IGF2R: variants seen among roughly 807,000 people sequenced by gnomAD.
IGF2R encodes the protein cation-independent mannose-6-phosphate receptor.
A neutral mutation model predicts 270.6 loss-of-function variants in IGF2R; 91 were observed. The observed-to-expected ratio is 0.34, with a 90% confidence interval of 0.28 to 0.40. The LOEUF (loss-of-function observed/expected upper bound fraction) is 0.40. IGF2R is among the 10% of genes least tolerant of loss of function. The pLI, the probability that IGF2R is intolerant of heterozygous loss-of-function variation, is 1.00. For synonymous variants in IGF2R, 1,316 were observed against 1,258.9 expected (o/e 1.05, Z -0.96); for missense variants, 2,805 against 3,188.3 (o/e 0.88, Z 2.90).
chr6:160,084,174 A>C lies in IGF2R; in HGVS notation c.6058A>C (p.Asn2020His). ...CACCGGGTCCTGGTCCCTCGTCCAC[A>C]ACGGAGTCTCGTGAGTGCCTTCCCA... ...SLTGSWSLVH[N>H]GVSYYINLCQ... Residue 2020 changes from asparagine to histidine, a missense_variant, in exon 40 of 48, where the codon AAC becomes CAC. By Grantham distance (68) the Asn-to-His change is moderately conservative. Coordinates refer to ENST00000356956, the MANE Select transcript of IGF2R (RefSeq NM_000876.4). The surrounding 1 kb of genome is among the most constrained non-coding windows in gnomAD (Gnocchi z 4.6). 6.2e-7 allele frequency: 1 copy of C among 1,609,642 alleles called. No homozygotes were observed. Among genetic ancestry groups the C allele is most frequent in the Non-Finnish European group, 8.5e-7 (1 of 1,175,952 alleles).
intron 1 of IGF2R, among the ~76,000 whole-genome samples, chr6:159,986,842 G>T (rs1783895936): frequency 6.6e-6 from 1 of 150,830 alleles, no homozygotes; most frequent in Admixed American, 6.6e-5. Context: ...TCAGCTGAAT[G>T]GTTTCATTTG....
chr6:160,060,590 T>C lies in IGF2R; in HGVS notation c.3135T>C (p.Asp1045=). 6.2e-7 allele frequency: 1 copy of C among 1,614,280 alleles called. No individual in the cohort carries two copies. Among genetic ancestry groups the C allele is most frequent in the Non-Finnish European group, 8.5e-7 (1 of 1,180,050 alleles). ...TCGTCCGCTTTGTTTGCAATGATGA[T>C]GTTTACTCAGGGCCCCTCAAATTCC... ...AFIVRFVCND[D]VYSGPLKFLH... Residue 1045 remains aspartate (D), a synonymous_variant, in exon 23 of 48, where the codon GAT becomes GAC. Coordinates refer to ENST00000356956, the MANE Select transcript of IGF2R (RefSeq NM_000876.4).
rs767428797 is a variant in IGF2R, at chr6:160,073,815, G to A, written c.5006G>A (p.Arg1669His). The stretch of plus-strand genomic sequence containing the variant: ...GTTGACTTGTCTCCCCTTATTCATC[G>A]CACTGGTGGTTATGAGGCTTATGAT... ...SIVDLSPLIH[R>H]TGGYEAYDES... Residue 1669 changes from arginine to histidine, a missense_variant, in exon 35 of 48, where the codon CGC becomes CAC. By Grantham distance (29) the Arg-to-His change is conservative. This residue lies in a region of IGF2R where 1,851 missense variants were observed against 2,207.2 expected (regional missense o/e 0.84). Transcript: ENST00000356956. 1.4e-5 allele frequency: 22 copies of A among 1,613,896 alleles called. No homozygotes were observed. The highest frequency in any genetic ancestry group is 3.3e-5 in the South Asian group (3 of 91,086).
At chr6:160,021,366 T>G (rs1777430107) in intron 4 of IGF2R, among the ~76,000 whole-genome samples, 1 of 144,402 alleles carries the variant, frequency 6.9e-6, no homozygotes, top group Non-Finnish European at 1.5e-5. Context: ...CATCGTATGT[T>G]CTCACTCATA....
In IGF2R at chr6:160,078,318, C is replaced by T. The variant is rs189986553; in HGVS notation, c.5434C>T (p.Leu1812Phe). 5 of 1,614,168 alleles carry T rather than the reference C, an allele frequency of 3.1e-6. No homozygotes were observed. Among genetic ancestry groups the T allele is most frequent in the African/African-American group, 2.7e-5 (2 of 75,066 alleles). ...CTGTACCCTGACAGATGAGCAGCTCCTCTACAGCTTCAACTTGTCCAGCCT... is the reference window on the plus strand; with the variant it reads ...CTGTACCCTGACAGATGAGCAGCTCTTCTACAGCTTCAACTTGTCCAGCCT... ...DGCTLTDEQL[L>F]YSFNLSSLST... Residue 1812 changes from leucine to phenylalanine, a missense_variant, in exon 37 of 48, where the codon CTC (leucine) becomes TTC (phenylalanine). By Grantham distance (22) the Leu-to-Phe change is conservative (BLOSUM62 0). Coordinates refer to ENST00000356956, the MANE Select transcript of IGF2R (RefSeq NM_000876.4).
At chr6:160,009,299 A>G (rs949134114) in intron 3 of IGF2R, among the ~76,000 whole-genome samples, 165 bp downstream of exon 3, 3 of 152,248 alleles carry the variant, frequency 2.0e-5, no homozygotes, top group African/African-American at 7.2e-5. Context: ...CAATAAGTAA[A>G]CAAATTCTAA....
At chr6:160,022,754 G>A (rs1199322828) in intron 4 of IGF2R, among the ~76,000 whole-genome samples, 1 of 152,204 alleles carries the variant, frequency 6.6e-6, no homozygotes, top group East Asian at 1.9e-4. Context: ...ACAAAAGTGA[G>A]GCTGAGTATG....
Position 160,060,590 on chromosome 6 carries a change from T to A in IGF2R, c.3135T>A (p.Asp1045Glu). ...AFIVRFVCNDDVYSGPLKFLH... is the reference protein window; with the variant it reads ...AFIVRFVCNDEVYSGPLKFLH... ...TCGTCCGCTTTGTTTGCAATGATGA[T>A]GTTTACTCAGGGCCCCTCAAATTCC... The change falls in exon 23 of 48, where the codon GAT (aspartate) becomes GAA (glutamate). Residue 1045 changes from aspartate to glutamate, a missense_variant. By Grantham distance (45) the Asp-to-Glu change is conservative. Transcript: ENST00000356956. 6.2e-7 allele frequency: 1 copy of A among 1,614,280 alleles called. No homozygotes were observed. Among genetic ancestry groups the A allele is most frequent in the Non-Finnish European group, 8.5e-7 (1 of 1,180,050 alleles).
Position 160,084,075 on chromosome 6 carries a change from T to A in IGF2R, c.5959T>A (p.Cys1987Ser). 1 of 1,614,154 alleles carries A rather than the reference T, an allele frequency of 6.2e-7. No individual in the cohort carries two copies. Among genetic ancestry groups the A allele is most frequent in the Non-Finnish European group, 8.5e-7 (1 of 1,179,976 alleles). ...VTFEWKTKVVCPPKKLECKFV... is the reference protein window; with the variant it reads ...VTFEWKTKVVSPPKKLECKFV... ...ATTTGAGTGGAAAACAAAAGTTGTC[T>A]GCCCTCCAAAGAAGTTGGAGTGCAA... The change falls in exon 40 of 48, where the codon TGC (cysteine) becomes AGC (serine). Residue 1987 changes from cysteine (C) to serine (S), a missense_variant. By Grantham distance (112) the Cys-to-Ser change is moderately radical. This residue lies in a region of IGF2R where 1,851 missense variants were observed against 2,207.2 expected (regional missense o/e 0.84). Transcript: ENST00000356956. The surrounding 1 kb of genome is among the most constrained non-coding windows in gnomAD (Gnocchi z 4.6).
intron 5 of IGF2R, among the ~76,000 whole-genome samples, chr6:160,026,238 C>T (rs1777558852): frequency 6.6e-6 from 1 of 152,202 alleles, no homozygotes; most frequent in Admixed American, 6.5e-5. Context: ...CAAAGCAGTC[C>T]ATTTGTGAAA....
intron 11 of IGF2R, among the ~76,000 whole-genome samples, chr6:160,041,621 G>C (rs911674068): frequency 1.3e-5 from 2 of 152,178 alleles, no homozygotes; most frequent in Non-Finnish European, 2.9e-5. Context: ...AAAACTGCCA[G>C]GGTGACAGCA....
In IGF2R at chr6:160,087,089, T is replaced by C. The variant is rs183789369; in HGVS notation, c.6206-944T>C. Among the ~76,000 whole-genome samples the C allele has an allele frequency of 4.0e-3, 608 of 152,274 alleles. 3 individuals are homozygous for C. Among genetic ancestry groups the C allele is most frequent in the African/African-American group, 0.013 (525 of 41,546 alleles). On this transcript the variant is annotated intron_variant, in intron 41 of 47. Transcript: ENST00000356956. ...GATACCTGCAGCTTAAAGCATGTAC[T>C]CACTTTTCTCTCAGACCCTGCGGGT...
Position 160,027,221 on chromosome 6 carries a change from G to A in IGF2R, c.683G>A (p.Cys228Tyr). The A allele has an allele frequency of 6.2e-7, 1 of 1,614,230 alleles. No individual in the cohort carries two copies. Among genetic ancestry groups the A allele is most frequent in the Non-Finnish European group, 8.5e-7 (1 of 1,180,038 alleles). Residue 228 changes from cysteine to tyrosine, a missense_variant, in exon 6 of 48, where the codon TGT (cysteine) becomes TAT (tyrosine). Around this residue, in one of 2 missense-constraint regions of IGF2R, gnomAD observed 954 missense variants for 981.1 expected, o/e 0.97. Transcript: ENST00000356956. Reference protein sequence around the residue: ...LRDPGSQLRACPPGTAACLVR... With the variant: ...LRDPGSQLRAYPPGTAACLVR... ...GACCCAGGTTCACAGCTGCGGGCCT[G>A]TCCCCCCGGCACTGCCGCCTGCCTG...
chr6:160,001,545 C>T (rs1225109911), intron 2 of IGF2R, among the ~76,000 whole-genome samples: 1 of 152,152 alleles, frequency 6.6e-6, no homozygotes, highest in African/African-American at 2.4e-5. Context: ...CATGGAAAAA[C>T]TGTCTTTCAT....
intron 31 of IGF2R, 140 bp from the exon 32 acceptor site, chr6:160,071,770 C>G (rs553566310): frequency 3.9e-5 from 44 of 1,129,908 alleles, no homozygotes; most frequent in Non-Finnish European, 5.5e-5. Flanking sequence ...CTAATCTGCG[C>G]CTCATCCCAC....
Position 160,064,416 on chromosome 6 carries a change from A to G in IGF2R, c.3902A>G (p.Lys1301Arg), listed in dbSNP as rs1221850141. ...TTCTTTACAGGTCTCCTGACTCAGA[A>G]GCTAACTTATGAAAATGGCTTGTTA... is the stretch of plus-strand genomic sequence containing the variant. The part of the protein sequence containing the change: ...FHKVAGLLTQ[K>R]LTYENGLLKM... Residue 1301 changes from lysine to arginine, a missense_variant, in exon 28 of 48, where the codon AAG becomes AGG. Lys to Arg is a conservative substitution (Grantham distance 26). Coordinates refer to ENST00000356956, the MANE Select transcript of IGF2R (RefSeq NM_000876.4). 2 of 1,614,188 alleles carry G rather than the reference A, an allele frequency of 1.2e-6. No individual in the cohort carries two copies. The highest frequency in any genetic ancestry group is 2.2e-5 in the East Asian group (1 of 44,884).
At position 159,992,603 on chromosome 6, in the gene IGF2R, C is replaced by G. The variant is rs202210971; in HGVS notation, c.289+1280C>G. 2.3e-3 allele frequency among the ~76,000 whole-genome samples: 322 copies of G among 140,164 alleles called. 1 individual carries two copies. The highest frequency in any genetic ancestry group is 8.3e-3 in the African/African-American group (312 of 37,446). The allele number at this position is 140,164 out of a possible 152,430, so 92.0% of individuals were successfully genotyped here. ...GTCCATAGAAAAGAATGAAATCACA[C>G]ACACACACACACACACACACACACA... On this transcript the variant is annotated intron_variant, in intron 2 of 47. Coordinates refer to ENST00000356956, the MANE Select transcript of IGF2R (RefSeq NM_000876.4).
chr6:160,003,216 G>A (rs756909509), intron 2 of IGF2R: 9 of 152,208 alleles, frequency 5.9e-5, no homozygotes, highest in Non-Finnish European at 8.8e-5. Context: ...TCATTGGATT[G>A]TATCTTTCAT....
chr6:160,065,806 G>GTATA (rs1562364392), intron 29 of IGF2R, among the ~76,000 whole-genome samples: 2 of 57,546 alleles, frequency 3.5e-5, no homozygotes, highest in African/African-American at 8.5e-5. Flanking sequence ...GTGTGTGTGT[G>GTATA]TGTGTGTGTA....
Sources: gnomAD v4.1 joint callset for allele counts (sites outside exome capture counted in the v4.1 genomes callset) on GRCh38, gnomAD v4.1.1 for gene constraint, gnomAD v4.1.1 regional missense constraint, Gnocchi (gnomAD v3.1) non-coding constraint, MANE v1.5 for transcripts, NCBI Gene and HGNC (gene_info 2026-07-23, HGNC 2026-07-21) for gene names.